The following MX1 variants were observed in gnomAD, a reference collection of about 807,000 sequenced individuals.
MX1 encodes the protein interferon-induced GTP-binding protein Mx1.
A neutral mutation model predicts 66.4 loss-of-function variants in MX1; 66 were observed. The observed-to-expected ratio is 0.99, with a 90% confidence interval of 0.82 to 1.22. MX1 has a LOEUF of 1.22. Ranked by LOEUF, MX1 falls within the 50% of genes most tolerant of loss-of-function variation. MX1 has a pLI of 0.00. For synonymous variants in MX1, 311 were observed against 318.1 expected, an observed-to-expected ratio of 0.98 and a Z score of 0.24; for missense variants, 787 against 834.3, an observed-to-expected ratio of 0.94 and a Z score of 0.70.
chr21:41,457,747 C>A (rs2090992420), intron 16 of MX1, among the ~76,000 whole-genome samples: 2 of 152,166 alleles, frequency 1.3e-5, no homozygotes, highest in African/African-American at 4.8e-5. Context: ...GTACATAGTT[C>A]AGTGGCATTA....
intron 7 of MX1, among the ~76,000 whole-genome samples, chr21:41,438,586 T>C (rs2090425603): frequency 6.6e-6 from 1 of 152,216 alleles, no homozygotes; most frequent in Non-Finnish European, 1.5e-5. Flanking sequence ...GACGTGGCAC[T>C]GTGTAACATC....
chr21:41,444,015 G>A, intron 11 of MX1, 149 bp downstream of exon 11: 1 of 734,302 alleles, frequency 1.4e-6, no homozygotes, highest in Non-Finnish European at 2.2e-6. Context: ...CTGGAGTGGG[G>A]CCTAGAATTC....
chr21:41,421,086 G>A (rs1249912489), intron 1 of MX1, among the ~76,000 whole-genome samples: 1 of 152,204 alleles, frequency 6.6e-6, no homozygotes, highest in African/African-American at 2.4e-5. Context: ...ATGTGTCAGG[G>A]TCACAAGACA....
At chr21:41,457,935 T>A (rs1394713543) in intron 16 of MX1, among the ~76,000 whole-genome samples, 1 of 152,068 alleles carries the variant, frequency 6.6e-6, no homozygotes, top group Non-Finnish European at 1.5e-5. Context: ...CTCATAGGAG[T>A]TGTGACTGGC....
upstream of MX1, among the ~76,000 whole-genome samples, chr21:41,422,565 G>A (rs1433074395): frequency 6.6e-6 from 1 of 152,122 alleles, no homozygotes; most frequent in Non-Finnish European, 1.5e-5. Context: ...GGATGGCAAT[G>A]GGGTAACTGA....
At chr21:41,426,495 C>T (rs190538017) in intron 1 of MX1, 4 of 152,230 alleles carry the variant, frequency 2.6e-5, no homozygotes, top group Admixed American at 2.0e-4. Flanking sequence ...GCCCAGGCTC[C>T]TGATGACGCA....
upstream of MX1, among the ~76,000 whole-genome samples, chr21:41,425,251 G>C (rs888933013): frequency 2.0e-5 from 3 of 152,230 alleles, no homozygotes; most frequent in African/African-American, 4.8e-5. Context: ...AGGGAGATAG[G>C]GGTGGGGCCG....
intron 16 of MX1, among the ~76,000 whole-genome samples, chr21:41,458,114 C>T (rs935349144): frequency 6.6e-6 from 1 of 152,186 alleles, no homozygotes; most frequent in Non-Finnish European, 1.5e-5. Context: ...AAACAATTCT[C>T]CTGCCTCAGC....
chr21:41,440,810 G>A, intron 8 of MX1, 77 bp from the exon 9 acceptor site: 4 of 1,570,214 alleles, frequency 2.5e-6, no homozygotes, highest in Non-Finnish European at 3.5e-6. Flanking sequence ...CCTAAAGCAA[G>A]TGCAAGGTCA....
At chr21:41,448,695 A>C (rs1215921935) in intron 13 of MX1, among the ~76,000 whole-genome samples, 2 of 152,092 alleles carry the variant, frequency 1.3e-5, no homozygotes, top group African/African-American at 4.8e-5. Flanking sequence ...AGTCCCAGCT[A>C]CTTGGGAGGC....
upstream of MX1, among the ~76,000 whole-genome samples, chr21:41,425,223 C>T (rs901212511): frequency 1.3e-5 from 2 of 152,038 alleles, no homozygotes; most frequent in African/African-American, 4.8e-5. Flanking sequence ...GGGCTGAGTC[C>T]GAAAAGAGAG....
At position 41,441,172 on chromosome 21, in the gene MX1, T is replaced by TGAGAATGG. The variant is rs2090501484; in HGVS notation, c.730+148_730+149insAGAATGGG. 4.9e-5 allele frequency: 60 copies of TGAGAATGG among 1,223,896 alleles called. No individual in the cohort carries two copies. The highest frequency in any genetic ancestry group is 8.6e-5 in the Admixed American group (3 of 34,762). The allele number at this position is 1,223,896 out of a possible 1,614,324, so 75.8% of individuals were successfully genotyped here. A position where few individuals can be genotyped will look rare whatever the true frequency, so the allele number is the denominator to read the frequency against. ...AATGGGGGAGCCCGCCTGTGCTCGG[T>TGAGAATGG]GGTCTGCCAGTGGGCAAGCGTCCCT... On this transcript the variant is annotated intron_variant, in intron 9 of 16. Transcript: ENST00000398598. This position sits in a 1 kb window ranked among gnomAD's most constrained non-coding sequence, Gnocchi z 4.0.
At chr21:41,425,534 GGGGATGCGATGGCCTGGCCT>G (rs547188459), upstream of MX1, among the ~76,000 whole-genome samples, 71 of 152,294 alleles carry the variant, frequency 4.7e-4, no homozygotes, top group East Asian at 0.01. Flanking sequence ...GCAAGTCACA[GGGGATGCGATGGCCTGGCCT>G]GGGATGCGAT....
At chr21:41,443,115 A>G (rs2146243539) in intron 10 of MX1, among the ~76,000 whole-genome samples, 1 of 152,384 alleles carries the variant, frequency 6.6e-6, no homozygotes, top group Admixed American at 6.5e-5. Context: ...TTTTATATGT[A>G]GTTTACCACA....
chr21:41,455,205 T>C (rs468972), intron 16 of MX1, among the ~76,000 whole-genome samples: 90,716 of 152,066 alleles, frequency 0.6, 28,486 homozygotes, highest in Non-Finnish European at 0.7. Context: ...CCACCATGCC[T>C]GGCCTCTGCA....
Position 41,441,960 on chromosome 21 carries a change from G to A in MX1, c.929+46G>A, listed in dbSNP as rs753014221. 1.2e-6 allele frequency: 2 copies of A among 1,605,860 alleles called. No individual in the cohort carries two copies. The highest frequency in any genetic ancestry group is 2.2e-5 in the East Asian group (1 of 44,802). ...TCATGGATCAGTCCAAGCCCAGGAT[G>A]TCAGGCCTTCCAGGGGACAGTGGCA... On this transcript the variant is annotated intron_variant, in intron 10 of 16. Coordinates refer to ENST00000398598, the MANE Select transcript of MX1 (RefSeq NM_002462.5). The surrounding 1 kb of genome is among the most constrained non-coding windows in gnomAD (Gnocchi z 4.0).
chr21:41,451,831 T>C (rs2090836958), intron 15 of MX1, among the ~76,000 whole-genome samples: 1 of 110,008 alleles, frequency 9.1e-6, no homozygotes, highest in Admixed American at 9.2e-5. Flanking sequence ...CGAGACCCCG[T>C]CTCAAAAAAA....
rs36105889 is a variant in MX1 at position 41,454,908 on chromosome 21, CT to C, written c.1758+2055del. ...AGGATGAAGCTGAGATTCTGCCTTT[CT>C]TTTTTTTTTTTTTTTGAAACCGAGT... On this transcript the variant is annotated intron_variant, in intron 16 of 16. Coordinates refer to ENST00000398598, the MANE Select transcript of MX1 (RefSeq NM_002462.5). Among the ~76,000 whole-genome samples, 578 of 141,304 alleles carry C rather than the reference CT, an allele frequency of 4.1e-3. 2 individuals carry two copies. Among genetic ancestry groups the C allele is most frequent in the Middle Eastern group, 7.7e-3 (2 of 260 alleles). 92.7% of individuals were successfully genotyped at this position (141,304 alleles called of 152,430 possible).
At chr21:41,448,930 TTGTGTGTGTGTGTGTGTGTGTG>T (rs10528033) in intron 13 of MX1, among the ~76,000 whole-genome samples, 185 bp from the exon 14 acceptor site, 4,076 of 139,610 alleles carry the variant, frequency 0.029, 104 homozygotes, top group Middle Eastern at 0.11. Flanking sequence ...AGATCTGGTT[TTGTGTGTGTGTGTGTGTGTGTG>T]TGTGTGTGTG....
Sources: allele counts gnomAD v4.1 joint callset (sites outside exome capture counted in the v4.1 genomes callset), GRCh38; gene constraint gnomAD v4.1.1; non-coding constraint Gnocchi (gnomAD v3.1); transcripts MANE v1.5; gene names NCBI Gene and HGNC (gene_info 2026-07-23, HGNC 2026-07-21).